Variants in KNDC1 observed in about 807,000 individuals in gnomAD.
KNDC1 encodes kinase non-catalytic C-lobe domain containing 1, also known as kinase non-catalytic C-lobe domain-containing protein 1.
KNDC1 carries 106 observed loss-of-function variants against 172.8 expected under a neutral mutation model. That is an observed-to-expected ratio of 0.61 (90% CI 0.52 to 0.72). KNDC1 has a LOEUF of 0.72. Ranked by LOEUF, KNDC1 falls within the 30% of genes least tolerant of loss-of-function variation. The probability of loss-of-function intolerance (pLI) is 0.00; values close to 1 mark genes in which losing one functional copy is unlikely to be tolerated. For missense variants in KNDC1, 2,325 were observed against 2,394.5 expected (o/e 0.97, Z 0.61); for synonymous variants, 1,083 against 1,062.2 (o/e 1.02, Z -0.38).
rs1446902683 is a variant in KNDC1 at position 133,196,125 on chromosome 10, C to G, written c.1734+304C>G. ...CTTGTCCAAGAGGCCAGGGCGGGGG[C>G]AAGGGGTGTCCTGTGGGCACGTGCA... On this transcript the variant is annotated intron_variant, in intron 10 of 29. Coordinates refer to ENST00000304613, the MANE Select transcript of KNDC1 (RefSeq NM_152643.8). Among the ~76,000 whole-genome samples the G allele has an allele frequency of 3.3e-5, 5 of 152,310 alleles. No homozygotes were observed. The East Asian group carries it at 9.7e-4, about 29-fold the overall frequency.
At chr10:133,211,597 G>T (rs765860590) in intron 22 of KNDC1, 28 bp downstream of exon 22, 9 of 1,604,376 alleles carry the variant, frequency 5.6e-6, no homozygotes, top group Non-Finnish European at 6.8e-6. Flanking sequence ...CTGGGCGGCC[G>T]CACCCGGGGC....
chr10:133,177,531 CAT>C lies in KNDC1; in HGVS notation c.361-5811_361-5810del, dbSNP rs545266515. On this transcript the variant is annotated intron_variant, in intron 3 of 29. Transcript: ENST00000304613. ...CATGTGTGTAATGTGTGTGCATGCA[CAT>C]AGTGTGTGTCATGAGCACGTGTGTT... 1.5e-3 allele frequency among the ~76,000 whole-genome samples: 171 copies of C among 114,684 alleles called. 2 individuals are homozygous for C. Among genetic ancestry groups the C allele is most frequent in the South Asian group, 3.9e-3 (10 of 2,540 alleles). The allele number at this position is 114,684 out of a possible 152,430, so 75.2% of individuals were successfully genotyped here. A position where few individuals can be genotyped will look rare whatever the true frequency, so the allele number is the denominator to read the frequency against.
At chr10:133,215,145 C>A (rs1423972643) in intron 26 of KNDC1, among the ~76,000 whole-genome samples, 2 of 152,210 alleles carry the variant, frequency 1.3e-5, no homozygotes, top group Non-Finnish European at 2.9e-5. Flanking sequence ...AGACGCCCAC[C>A]CCCTCCTGGG....
In KNDC1 at chr10:133,184,132, A is replaced by G. The variant is rs1312824094; in HGVS notation, c.625+143A>G. ...ATACTGCACACACACCCATGCACAC[A>G]CATGCCACACACACCCATGCACACA... On this transcript the variant is annotated intron_variant, in intron 5 of 29. Coordinates refer to ENST00000304613, the MANE Select transcript of KNDC1 (RefSeq NM_152643.8). 2.5e-5 allele frequency: 12 copies of G among 487,578 alleles called. No homozygotes were observed. In the East Asian group the frequency reaches 2.5e-4, roughly 10 times the overall value. The allele number at this position is 487,578 out of a possible 1,614,324, so 30.2% of individuals were successfully genotyped here.
Position 133,168,236 on chromosome 10 carries a change from C to G in KNDC1, c.302-18C>G, listed in dbSNP as rs778380377. 2 of 1,610,592 alleles carry G rather than the reference C, an allele frequency of 1.2e-6. No homozygotes were observed. Among genetic ancestry groups the G allele is most frequent in the South Asian group, 2.2e-5 (2 of 91,016 alleles). ...GTGTGACCAGAAGCCTTCTCTCCTT[C>G]TCTCTCTCCTCCCCAAGACGACCCT... On this transcript the variant is annotated intron_variant, in intron 2 of 29. Coordinates refer to ENST00000304613, the MANE Select transcript of KNDC1 (RefSeq NM_152643.8).
intron 5 of KNDC1, among the ~76,000 whole-genome samples, chr10:133,184,545 A>G (rs953753413): frequency 2.0e-5 from 3 of 152,262 alleles, no homozygotes; most frequent in African/African-American, 7.2e-5. Context: ...ATGAAAATTC[A>G]GGCATGCCTG....
At chr10:133,202,132 T>G (rs771500787) in intron 17 of KNDC1, 1 of 703,476 alleles carries the variant, frequency 1.4e-6, no homozygotes, top group South Asian at 1.5e-5. Context: ...GCTCCACGTC[T>G]GAGGACAGGG....
intron 2 of KNDC1, among the ~76,000 whole-genome samples, 182 bp from the exon 3 acceptor site, chr10:133,168,072 A>G (rs1157501456): frequency 6.6e-6 from 1 of 152,106 alleles, no homozygotes; most frequent in Admixed American, 6.5e-5. Context: ...TTTGGAACCC[A>G]TTTCCCATCA....
At chr10:133,181,059 A>G (rs962079589) in intron 3 of KNDC1, among the ~76,000 whole-genome samples, 4 of 152,162 alleles carry the variant, frequency 2.6e-5, no homozygotes, top group African/African-American at 7.2e-5. Flanking sequence ...CACACCTGAC[A>G]TGGCTGCACA....
intron 21 of KNDC1, 125 bp from the exon 22 acceptor site, chr10:133,211,297 T>A: frequency 7.9e-4 from 280 of 356,044 alleles, no homozygotes; most frequent in East Asian, 2.0e-3. Flanking sequence ...CCCAGCCCCC[T>A]AAGCCCCCTG....
At chr10:133,172,790 A>T (rs1465167616) in intron 3 of KNDC1, among the ~76,000 whole-genome samples, 1 of 152,142 alleles carries the variant, frequency 6.6e-6, no homozygotes, top group Non-Finnish European at 1.5e-5. Flanking sequence ...TCACTTGAAG[A>T]CCAGAGTTAG....
chr10:133,197,350 G>A (rs997643131), intron 11 of KNDC1, among the ~76,000 whole-genome samples: 3 of 152,164 alleles, frequency 2.0e-5, no homozygotes, highest in African/African-American at 7.2e-5. Context: ...TCAGGATCAG[G>A]GCAGGGTCCC....
chr10:133,211,912 G>C (rs1845375539), intron 23 of KNDC1, 54 bp downstream of exon 23: 1 of 1,541,572 alleles, frequency 6.5e-7, no homozygotes. Flanking sequence ...GTGGGTCCCT[G>C]AGCCCAGCCT....
At chr10:133,189,200 G>C (rs1331627140) in intron 7 of KNDC1, among the ~76,000 whole-genome samples, 1 of 152,156 alleles carries the variant, frequency 6.6e-6, no homozygotes, top group Non-Finnish European at 1.5e-5. Context: ...TGAAAGGGCT[G>C]GGGGAGAGGC....
intron 23 of KNDC1, 74 bp downstream of exon 23, chr10:133,211,932 A>T: frequency 1.4e-6 from 2 of 1,445,948 alleles, no homozygotes; most frequent in Non-Finnish European, 1.9e-6. Context: ...TCAAAGACAC[A>T]ACTGGTGCAT....
chr10:133,162,281 G>A (rs1853001213), intron 1 of KNDC1, among the ~76,000 whole-genome samples: 1 of 138,418 alleles, frequency 7.2e-6, no homozygotes, highest in Admixed American at 7.6e-5. Flanking sequence ...GGCTTGGAAG[G>A]TTCTGAAATC....
chr10:133,189,074 G>C (rs545693852), intron 7 of KNDC1, among the ~76,000 whole-genome samples: 39 of 152,306 alleles, frequency 2.6e-4, no homozygotes, highest in African/African-American at 9.1e-4. Flanking sequence ...AGTGGGGAGG[G>C]AATCTTCAGC....
chr10:133,194,271 T>C (rs1339559678), intron 9 of KNDC1, among the ~76,000 whole-genome samples: 1 of 152,108 alleles, frequency 6.6e-6, no homozygotes, highest in Non-Finnish European at 1.5e-5. Flanking sequence ...TTCCAAACAC[T>C]TGGAAACGAA....
In KNDC1 at chr10:133,201,691, C is replaced by T. The variant is rs754396855; in HGVS notation, c.3180C>T (p.Ala1060=). ...AGEDRRPAGG[A]SDVEAVTRLA... is the part of the protein sequence containing the mutation. ...AGGACAGACGGCCAGCTGGCGGGGC[C>T]TCAGACGTGGAGGCAGTGACCCGAC... Residue 1060 remains alanine, a synonymous_variant, in exon 17 of 30, where the codon GCC becomes GCT. Coordinates refer to ENST00000304613, the MANE Select transcript of KNDC1 (RefSeq NM_152643.8). The T allele has an allele frequency of 6.2e-7, 1 of 1,611,988 alleles. No individual in the cohort carries two copies. The highest frequency in any genetic ancestry group is 1.3e-5 in the African/African-American group (1 of 74,938).
Sources: allele counts gnomAD v4.1 joint callset (sites outside exome capture counted in the v4.1 genomes callset), GRCh38; gene constraint gnomAD v4.1.1; transcripts MANE v1.5; gene names NCBI Gene and HGNC (gene_info 2026-07-23, HGNC 2026-07-21).